Variants in DNAJC11 observed in about 807,000 individuals in gnomAD.
DNAJC11 encodes DnaJ heat shock protein family (Hsp40) member C11, also known as dnaJ homolog subfamily C member 11.
A neutral mutation model predicts 78.6 loss-of-function variants in DNAJC11; 15 were observed. That is an observed-to-expected ratio of 0.19 (90% CI 0.13 to 0.29). The LOEUF is 0.29. Among genes scored for constraint, DNAJC11 ranks in the 10% least tolerant of loss-of-function variants. DNAJC11 has a pLI of 1.00. For synonymous variants in DNAJC11, 292 were observed against 272.1 expected (o/e 1.07, Z -0.72); for missense variants, 547 against 709.6 (o/e 0.77, Z 2.60).
chr1:6,640,750 G>A (rs1049214165), intron 10 of DNAJC11, among the ~76,000 whole-genome samples: 1 of 151,970 alleles, frequency 6.6e-6, no homozygotes, highest in African/African-American at 2.4e-5. Context: ...GCGGGAGAAC[G>A]CTTCAACCCA....
At chr1:6,640,850 G>T (rs61782532) in intron 10 of DNAJC11, among the ~76,000 whole-genome samples, 112 of 152,238 alleles carry the variant, frequency 7.4e-4, no homozygotes, top group Non-Finnish European at 1.4e-3. Context: ...ACCCGTGGAA[G>T]AGTGTTAAGT....
At chr1:6,684,333 C>T (rs957039394) in intron 1 of DNAJC11, among the ~76,000 whole-genome samples, 6 of 152,200 alleles carry the variant, frequency 3.9e-5, no homozygotes, top group African/African-American at 7.2e-5. Flanking sequence ...CCGCCCGCCT[C>T]GGCCTCCCAA....
At chr1:6,697,983 G>A (rs1195326679) in intron 1 of DNAJC11, among the ~76,000 whole-genome samples, 2 of 151,986 alleles carry the variant, frequency 1.3e-5, no homozygotes, top group South Asian at 4.1e-4. Flanking sequence ...GTACAGACGG[G>A]GTTTCACCGT....
intron 4 of DNAJC11, among the ~76,000 whole-genome samples, chr1:6,664,579 T>C (rs889525999): frequency 1.3e-5 from 2 of 152,282 alleles, no homozygotes; most frequent in Admixed American, 1.3e-4. Flanking sequence ...GTCCCACCAT[T>C]CCTGACCAAG....
At chr1:6,689,167 C>T (rs538199387) in intron 1 of DNAJC11, among the ~76,000 whole-genome samples, 1 of 152,140 alleles carries the variant, frequency 6.6e-6, no homozygotes, top group Non-Finnish European at 1.5e-5. Context: ...TAATTTGGTA[C>T]AGCTTGACTG....
intron 4 of DNAJC11, among the ~76,000 whole-genome samples, chr1:6,662,490 T>C (rs1642231467): frequency 6.6e-6 from 1 of 152,132 alleles, no homozygotes; most frequent in African/African-American, 2.4e-5. Context: ...CTGGACTTCC[T>C]GGGTCAGGTG....
Position 6,645,189 on chromosome 1 carries a change from ATCTG to A in DNAJC11, c.895-67_895-64del. 7.5e-7 allele frequency: 1 copy of A among 1,333,722 alleles called. No individual in the cohort carries two copies. Among genetic ancestry groups the A allele is most frequent in the Non-Finnish European group, 1.1e-6 (1 of 929,550 alleles). 82.6% of individuals were successfully genotyped at this position (1,333,722 alleles called of 1,614,324 possible). ...CGTGTGACTCTGTGGGGAGATGGGT[ATCTG>A]CCCTCCCACTAGCTCTGGGCATCTG... On this transcript the variant is annotated intron_variant, in intron 8 of 15. Coordinates refer to ENST00000377577, the MANE Select transcript of DNAJC11 (RefSeq NM_018198.4). The surrounding 1 kb of genome is among the most constrained non-coding windows in gnomAD (Gnocchi z 4.1).
chr1:6,694,967 TC>T (rs1301502831), intron 1 of DNAJC11, among the ~76,000 whole-genome samples: 1 of 90,792 alleles, frequency 1.1e-5, no homozygotes, highest in Non-Finnish European at 2.1e-5. Flanking sequence ...AAAGCGAGAC[TC>T]CGAATCAAAA....
chr1:6,653,413 G>C lies in DNAJC11; in HGVS notation c.508-462C>G, dbSNP rs774598450. On this transcript the variant is annotated intron_variant, in intron 5 of 15. Coordinates refer to ENST00000377577, the MANE Select transcript of DNAJC11 (RefSeq NM_018198.4). This position sits in a 1 kb window ranked among gnomAD's most constrained non-coding sequence, Gnocchi z 4.5. Reference sequence around the variant, plus strand: ...CTGATGCAATGGAGAATAAATTAATGAGCTGAGGAGACAAAGACCTACTAT... The same window carrying C: ...CTGATGCAATGGAGAATAAATTAATCAGCTGAGGAGACAAAGACCTACTAT... 1.1e-4 allele frequency among the ~76,000 whole-genome samples: 16 copies of C among 152,164 alleles called. No homozygotes were observed. Among genetic ancestry groups the C allele is most frequent in the Non-Finnish European group, 1.5e-4 (10 of 68,032 alleles).
At chr1:6,670,790 AGG>A (rs1370310149) in intron 3 of DNAJC11, 28 of 152,174 alleles carry the variant, frequency 1.8e-4, no homozygotes, top group African/African-American at 6.8e-4. Flanking sequence ...AAAATCATCG[AGG>A]GTGCGTCACC....
At chr1:6,644,967 A>T in intron 9 of DNAJC11, 74 bp downstream of exon 9, 2 of 1,398,872 alleles carry the variant, frequency 1.4e-6, no homozygotes, top group Non-Finnish European at 2.0e-6. Context: ...AAGGTGTCTT[A>T]CACCAACTGG....
chr1:6,667,834 A>C (rs1290761895), intron 3 of DNAJC11, 24 bp from the exon 4 acceptor site: 2 of 1,606,218 alleles, frequency 1.2e-6, no homozygotes, highest in African/African-American at 2.7e-5. Flanking sequence ...CAAGATGGGA[A>C]GACAGTTGAG....
In DNAJC11 at chr1:6,683,496, C is replaced by T. The variant is rs1642587216; in HGVS notation, c.73-2459G>A. On this transcript the variant is annotated intron_variant, in intron 1 of 15. Coordinates refer to ENST00000377577, the MANE Select transcript of DNAJC11 (RefSeq NM_018198.4). ...TAGGAATTATAGCTCCTTTAAGCCC[C>T]TTTCTGTTTCATCACCTGCAAACTG... is the stretch of plus-strand genomic sequence containing the variant. Among the ~76,000 whole-genome samples, 5 of 152,224 alleles carry T rather than the reference C, an allele frequency of 3.3e-5. No homozygotes were observed. The South Asian group carries it at 1.0e-3, about 32-fold the overall frequency.
At chr1:6,664,808 G>A (rs569850485) in intron 4 of DNAJC11, among the ~76,000 whole-genome samples, 2 of 152,228 alleles carry the variant, frequency 1.3e-5, no homozygotes, top group East Asian at 1.9e-4. Context: ...ACTGTCAAAC[G>A]GCTCACTCTG....
chr1:6,667,858 AG>A (rs35277557), intron 3 of DNAJC11, 48 bp from the exon 4 acceptor site: 4 of 1,552,098 alleles, frequency 2.6e-6, no homozygotes, highest in Non-Finnish European at 3.6e-6. Flanking sequence ...CCAGGAGGTA[AG>A]GGAAACGTAC....
intron 3 of DNAJC11, among the ~76,000 whole-genome samples, chr1:6,669,039 T>G (rs1319150994): frequency 6.6e-6 from 1 of 150,660 alleles, no homozygotes; most frequent in Non-Finnish European, 1.5e-5. Context: ...ATACAAAAAT[T>G]AGTCAGATGT....
intron 2 of DNAJC11, among the ~76,000 whole-genome samples, chr1:6,678,702 G>T (rs1240442687): frequency 6.6e-6 from 1 of 152,166 alleles, no homozygotes; most frequent in Non-Finnish European, 1.5e-5. Flanking sequence ...GTCCTGGCTG[G>T]AGTGCAATGG....
chr1:6,651,917 C>A (rs532028792), intron 6 of DNAJC11, among the ~76,000 whole-genome samples: 15 of 151,892 alleles, frequency 9.9e-5, no homozygotes, highest in Admixed American at 3.3e-4. Context: ...GCTCCCCCTA[C>A]CCCTCCCGGC....
chr1:6,680,821 T>C lies in DNAJC11; in HGVS notation c.202+87A>G. The C allele has an allele frequency of 2.0e-6, 3 of 1,532,428 alleles. No individual in the cohort carries two copies. Among genetic ancestry groups the C allele is most frequent in the Non-Finnish European group, 2.7e-6 (3 of 1,124,906 alleles). The allele number at this position is 1,532,428 out of a possible 1,614,324, so 94.9% of individuals were successfully genotyped here. On this transcript the variant is annotated intron_variant, in intron 2 of 15. Coordinates refer to ENST00000377577, the MANE Select transcript of DNAJC11 (RefSeq NM_018198.4). This position sits in a 1 kb window ranked among gnomAD's most constrained non-coding sequence, Gnocchi z 4.0. The stretch of plus-strand genomic sequence containing the variant: ...CTGTTTTATATACCTCTAAGGACTC[T>C]CTTTTTCTATCCTCTACAAATCGCA...
Sources: allele counts gnomAD v4.1 joint callset (sites outside exome capture counted in the v4.1 genomes callset), GRCh38; gene constraint gnomAD v4.1.1; non-coding constraint Gnocchi (gnomAD v3.1); transcripts MANE v1.5; gene names NCBI Gene and HGNC (gene_info 2026-07-23, HGNC 2026-07-21).